Variants in ZNF727 observed in about 807,000 individuals in gnomAD.
ZNF727 encodes the protein zinc finger protein 727, also known as putative zinc finger protein 727.
In ZNF727, 11 loss-of-function variants were observed where a neutral mutation model predicts 11.5. The ratio of observed to expected loss-of-function variants is 0.95; its 90% CI spans 0.60 to 1.58. ZNF727 has a LOEUF of 1.58. ZNF727 is among the 40% of genes most tolerant of loss of function. The pLI is 0.00. For missense variants in ZNF727, 533 were observed against 581.7 expected, an observed-to-expected ratio of 0.92 and a Z score of 0.86; for synonymous variants, 171 against 196.1, an observed-to-expected ratio of 0.87 and a Z score of 1.07.
At position 64,084,076 on chromosome 7, in the gene ZNF727, G is replaced by T. The variant is rs1235588222; in HGVS notation, c.*5527G>T. ...GAAGTTCTTCCGTATCAGATGAAAAGATTTATATACTTTCCTATGGAAGAT... is the reference window on the plus strand; with the variant it reads ...GAAGTTCTTCCGTATCAGATGAAAATATTTATATACTTTCCTATGGAAGAT... On this transcript the variant is annotated 3_prime_UTR_variant, in exon 4 of 4. Transcript: ENST00000456806. Among the ~76,000 whole-genome samples the T allele has an allele frequency of 6.6e-6, 1 of 152,130 alleles. No individual in the cohort carries two copies. The highest frequency in any genetic ancestry group is 1.5e-5 in the Non-Finnish European group (1 of 68,028).
intron 1 of ZNF727, among the ~76,000 whole-genome samples, chr7:64,068,290 T>C (rs993832545): frequency 1.2e-4 from 18 of 152,186 alleles, no homozygotes; most frequent in African/African-American, 4.3e-4. Context: ...TTCTTTCTTC[T>C]TACCTTCTCT....
At chr7:64,068,035 T>C (rs1789898476) in intron 1 of ZNF727, among the ~76,000 whole-genome samples, 1 of 152,168 alleles carries the variant, frequency 6.6e-6, no homozygotes, top group Non-Finnish European at 1.5e-5. Context: ...TCAGATTAAG[T>C]TGACCCTTTT....
At chr7:64,061,519 C>T (rs1789769909) in intron 1 of ZNF727, among the ~76,000 whole-genome samples, 2 of 151,072 alleles carry the variant, frequency 1.3e-5, no homozygotes, top group South Asian at 4.2e-4. Context: ...TTTCCATTTG[C>T]ATGGAGTATC....
At chr7:64,051,612 A>G (rs983650933) in intron 1 of ZNF727, among the ~76,000 whole-genome samples, 1 of 152,232 alleles carries the variant, frequency 6.6e-6, no homozygotes, top group African/African-American at 2.4e-5. Context: ...TCACTGAAAT[A>G]AAATTTTGAG....
chr7:64,067,683 A>C (rs2116310021), intron 1 of ZNF727, among the ~76,000 whole-genome samples: 1 of 152,312 alleles, frequency 6.6e-6, no homozygotes, highest in Admixed American at 6.5e-5. Flanking sequence ...TGGGAGTCGA[A>C]CAATGAGAAC....
intron 1 of ZNF727, among the ~76,000 whole-genome samples, chr7:64,065,821 A>T (rs1422462085): frequency 6.6e-6 from 1 of 151,830 alleles, no homozygotes; most frequent in Non-Finnish European, 1.5e-5. Context: ...CCTTCTCTTT[A>T]TTTTCCACAT....
At chr7:64,065,884 A>C (rs1789856889) in intron 1 of ZNF727, among the ~76,000 whole-genome samples, 1 of 152,166 alleles carries the variant, frequency 6.6e-6, no homozygotes, top group South Asian at 2.1e-4. Context: ...TATAACCTGC[A>C]GCATTACAAA....
In ZNF727 at chr7:64,078,134, A is replaced by T; in HGVS notation, c.1085A>T (p.His362Leu). The T allele has an allele frequency of 6.2e-7, 1 of 1,601,772 alleles. No individual in the cohort carries two copies. The highest frequency in any genetic ancestry group is 8.5e-7 in the Non-Finnish European group (1 of 1,173,584). Residue 362 changes from histidine to leucine, a missense_variant, in exon 4 of 4, where the codon CAT becomes CTT. Coordinates refer to ENST00000456806, the MANE Select transcript of ZNF727 (RefSeq NM_001159522.3). ...ACCCTTATTAGCCACAAGAGAATTC[A>T]TATGGAATTGAGACCTTACAAATGT... The part of the protein sequence containing the change: ...SSTLISHKRI[H>L]MELRPYKCEE...
rs1785718519 is a variant in ZNF727, at chr7:64,078,185, G to C, written c.1136G>C (p.Trp379Ser). The C allele has an allele frequency of 3.1e-6, 5 of 1,597,680 alleles. No homozygotes were observed. Among genetic ancestry groups the C allele is most frequent in the Non-Finnish European group, 4.3e-6 (5 of 1,171,698 alleles). The part of the protein sequence containing the change: ...KCEECGKTFK[W>S]FSDLTNHKRI... Reference sequence around the variant, plus strand: ...GAAGAATGTGGCAAAACCTTTAAGTGGTTCTCAGACCTGACTAATCATAAG... The same window carrying C: ...GAAGAATGTGGCAAAACCTTTAAGTCGTTCTCAGACCTGACTAATCATAAG... The change falls in exon 4 of 4, where the codon TGG becomes TCG. Residue 379 changes from tryptophan (W) to serine (S), a missense_variant. By Grantham distance (177) the Trp-to-Ser change is radical. This residue lies in a region of ZNF727 where 463 missense variants were observed against 494.5 expected (regional missense o/e 0.94). Coordinates refer to ENST00000456806, the MANE Select transcript of ZNF727 (RefSeq NM_001159522.3).
chr7:64,074,012 A>C (rs184673496), intron 3 of ZNF727, among the ~76,000 whole-genome samples: 1 of 152,274 alleles, frequency 6.6e-6, no homozygotes, highest in East Asian at 1.9e-4. Flanking sequence ...TGAGGGTAGT[A>C]CTGGGAGTTG....
Position 64,077,321 on chromosome 7 carries a change from T to C in ZNF727, c.272T>C (p.Ile91Thr). 2 of 1,550,152 alleles carry C rather than the reference T, an allele frequency of 1.3e-6. No individual in the cohort carries two copies. The highest frequency in any genetic ancestry group is 1.7e-6 in the Non-Finnish European group (2 of 1,146,528). The change falls in exon 4 of 4, where the codon ATA becomes ACA. Residue 91 changes from isoleucine to threonine, a missense_variant. Around this residue, in one of 3 missense-constraint regions of ZNF727, gnomAD observed 463 missense variants for 494.5 expected, o/e 0.94. Transcript: ENST00000456806. ...FTAEILLEHD[I>T]NDSFQKVILR... ...GCAGAGATATTGCTGGAGCACGACATAAACGATTCATTTCAAAAAGTGATC... is the reference window on the plus strand; with the variant it reads ...GCAGAGATATTGCTGGAGCACGACACAAACGATTCATTTCAAAAAGTGATC...
In ZNF727 at chr7:64,078,005, A is replaced by G. The variant is rs1164069596; in HGVS notation, c.956A>G (p.Lys319Arg). Residue 319 changes from lysine (K) to arginine (R), a missense_variant, in exon 4 of 4, where the codon AAA becomes AGA. By Grantham distance (26) the Lys-to-Arg change is conservative. Transcript: ENST00000456806. Reference sequence around the variant, plus strand: ...CCCTACAAATGTAATGAATGTGGAAAAGCTTTTATGTGGATCTCGGCCCTT... The same window carrying G: ...CCCTACAAATGTAATGAATGTGGAAGAGCTTTTATGTGGATCTCGGCCCTT... ...EKPYKCNECG[K>R]AFMWISALSQ... The G allele has an allele frequency of 6.2e-7, 1 of 1,605,758 alleles. No homozygotes were observed.
chr7:64,074,379 A>G (rs1348021190), intron 3 of ZNF727, among the ~76,000 whole-genome samples: 1 of 152,132 alleles, frequency 6.6e-6, no homozygotes, highest in Non-Finnish European at 1.5e-5. Flanking sequence ...ACAGTGAGAG[A>G]CAAACTCATA....
At chr7:64,060,910 C>G (rs1233373416) in intron 1 of ZNF727, among the ~76,000 whole-genome samples, 1 of 151,576 alleles carries the variant, frequency 6.6e-6, no homozygotes, top group Non-Finnish European at 1.5e-5. Context: ...AAATTTTTTT[C>G]TTAACTTCTG....
chr7:64,049,615 T>C (rs1211039027), intron 1 of ZNF727, among the ~76,000 whole-genome samples: 4 of 151,856 alleles, frequency 2.6e-5, no homozygotes, highest in African/African-American at 9.6e-5. Context: ...TTTATAATTT[T>C]TAGAAACATA....
chr7:64,070,019 G>A (rs1259291234), intron 3 of ZNF727, among the ~76,000 whole-genome samples: 11 of 152,028 alleles, frequency 7.2e-5, no homozygotes, highest in Non-Finnish European at 1.6e-4. Context: ...ATGTCTAAAT[G>A]TAGAAGTTTT....
At chr7:64,067,747 G>A (rs1789892610) in intron 1 of ZNF727, among the ~76,000 whole-genome samples, 1 of 152,034 alleles carries the variant, frequency 6.6e-6, no homozygotes, top group Non-Finnish European at 1.5e-5. Flanking sequence ...GGGGATTGGG[G>A]GCAAGGGGAG....
chr7:64,066,411 G>A (rs1056825660), intron 1 of ZNF727, among the ~76,000 whole-genome samples: 3 of 152,096 alleles, frequency 2.0e-5, no homozygotes, highest in African/African-American at 7.2e-5. Flanking sequence ...ATTCTACAAG[G>A]CTACAGTAAC....
Position 64,077,765 on chromosome 7 carries a change from G to C in ZNF727, c.716G>C (p.Cys239Ser), listed in dbSNP as rs1179397572. The change falls in exon 4 of 4, where the codon TGT (cysteine) becomes TCT (serine). Residue 239 changes from cysteine to serine, a missense_variant. This residue lies in a region of ZNF727 where 463 missense variants were observed against 494.5 expected (regional missense o/e 0.94). Transcript: ENST00000456806. The stretch of plus-strand genomic sequence containing the variant: ...GAAGAATGTGGCAAAACATTTACCT[G>C]TTCCTCAGCCCTTACTAAACACAAG... ...KCEECGKTFTCSSALTKHKRN... is the reference protein window; with the variant it reads ...KCEECGKTFTSSSALTKHKRN... The C allele has an allele frequency of 6.3e-7, 1 of 1,579,700 alleles. No individual in the cohort carries two copies. Among genetic ancestry groups the C allele is most frequent in the Admixed American group, 1.8e-5 (1 of 54,384 alleles).
Sources: gnomAD v4.1 joint callset for allele counts (sites outside exome capture counted in the v4.1 genomes callset) on GRCh38, gnomAD v4.1.1 for gene constraint, gnomAD v4.1.1 regional missense constraint, MANE v1.5 for transcripts, NCBI Gene and HGNC (gene_info 2026-07-23, HGNC 2026-07-21) for gene names.